The following FARP2 variants were observed in gnomAD, a reference collection of about 807,000 sequenced individuals.
FARP2 encodes FERM, ARHGEF and pleckstrin domain-containing protein 2.
A neutral mutation model predicts 130.5 loss-of-function variants in FARP2; 111 were observed. That is an observed-to-expected ratio of 0.85 (90% CI 0.73 to 1.00). FARP2 has a LOEUF of 1.00. Ranked by LOEUF, FARP2 falls within the 50% of genes least tolerant of loss-of-function variation. The pLI, the probability that FARP2 is intolerant of heterozygous loss-of-function variation, is 0.00. For missense variants in FARP2, 1,385 were observed against 1,346.3 expected (o/e 1.03, Z -0.45); for synonymous variants, 504 against 516.9 (o/e 0.98, Z 0.34).
At chr2:241,474,296 G>A (rs1168780852) in intron 18 of FARP2, among the ~76,000 whole-genome samples, 3 of 117,258 alleles carry the variant, frequency 2.6e-5, no homozygotes, top group Non-Finnish European at 4.8e-5. Context: ...GGGCGACAGA[G>A]CGCAGAGCGA....
rs111653250 is a variant in FARP2, at chr2:241,399,138, T to C, written c.184-4690T>C. On this transcript the variant is annotated intron_variant, in intron 2 of 26. Transcript: ENST00000264042. ...TATTGTGGTTTTAGTGTGCATTTCC[T>C]TGATGTAATATTGTCCAACTTTTCT... Among the ~76,000 whole-genome samples, 9 of 152,370 alleles carry C rather than the reference T, an allele frequency of 5.9e-5. 1 individual carries two copies. Among genetic ancestry groups the C allele is most frequent in the African/African-American group, 2.2e-4 (9 of 41,578 alleles).
At chr2:241,465,790 C>G in intron 17 of FARP2, 1 of 1,550,158 alleles carries the variant, frequency 6.5e-7, no homozygotes, top group Non-Finnish European at 8.7e-7. Context: ...CCTCGCCTGT[C>G]CCACCTTCTA....
At chr2:241,453,367 A>T (rs1417100490) in intron 13 of FARP2, among the ~76,000 whole-genome samples, 1 of 151,570 alleles carries the variant, frequency 6.6e-6, no homozygotes, top group East Asian at 1.9e-4. Context: ...TCATGCCTGT[A>T]ATCCCAGCAC....
intron 13 of FARP2, among the ~76,000 whole-genome samples, chr2:241,449,155 C>T (rs2063584268): frequency 6.6e-6 from 1 of 152,202 alleles, no homozygotes. Context: ...TTTTCCTTTT[C>T]TTCTGGAATT....
At chr2:241,390,854 C>G (rs1559724513) in intron 2 of FARP2, among the ~76,000 whole-genome samples, 1 of 152,156 alleles carries the variant, frequency 6.6e-6, no homozygotes, top group Non-Finnish European at 1.5e-5. Context: ...GTTTAAATGT[C>G]TAACCATTCT....
chr2:241,418,097 A>G lies in FARP2; in HGVS notation c.759A>G (p.Val253=). ...AACTGGCAGTTTCCCACATGGGTGTACTCGTGTTCCAGGTAGGCCAGTGGG... is the reference window on the plus strand; with the variant it reads ...AACTGGCAGTTTCCCACATGGGTGTGCTCGTGTTCCAGGTAGGCCAGTGGG... The part of the protein sequence containing the change: ...KIQLAVSHMG[V]LVFQGTTKIN... The change falls in exon 8 of 27, where the codon GTA becomes GTG. Residue 253 remains valine, a synonymous_variant. Coordinates refer to ENST00000264042, the MANE Select transcript of FARP2 (RefSeq NM_014808.4). 1.2e-6 allele frequency: 2 copies of G among 1,614,104 alleles called. No individual in the cohort carries two copies. The highest frequency in any genetic ancestry group is 2.2e-5 in the South Asian group (2 of 91,084).
At chr2:241,391,711 TCTG>T (rs981974221) in intron 2 of FARP2, among the ~76,000 whole-genome samples, 3 of 152,230 alleles carry the variant, frequency 2.0e-5, no homozygotes, top group African/African-American at 7.2e-5. Context: ...GTGCAGAGCT[TCTG>T]CTACCACTAC....
intron 6 of FARP2, 141 bp from the exon 7 acceptor site, chr2:241,413,166 T>A: frequency 1.8e-6 from 1 of 569,916 alleles, no homozygotes; most frequent in East Asian, 2.9e-5. Flanking sequence ...AAAAATTAAA[T>A]AAAAAATCTT....
chr2:241,483,752 C>A (rs2064684756), intron 20 of FARP2: 3 of 972,074 alleles, frequency 3.1e-6, no homozygotes, highest in Non-Finnish European at 3.7e-6. Flanking sequence ...CCAGGGCCAG[C>A]CTCCTTCTTC....
At chr2:241,411,212 A>G (rs1559744612) in intron 6 of FARP2, 82 bp downstream of exon 6, 4 of 953,816 alleles carry the variant, frequency 4.2e-6, no homozygotes, top group Non-Finnish European at 6.6e-6. Flanking sequence ...TTAGTTGCTG[A>G]TGTATTTGCC....
chr2:241,364,340 G>A (rs1260312469), intron 1 of FARP2, among the ~76,000 whole-genome samples: 1 of 152,230 alleles, frequency 6.6e-6, no homozygotes, highest in Non-Finnish European at 1.5e-5. Context: ...GAATGAGCCT[G>A]TAAGTGTATT....
chr2:241,381,508 G>A (rs1314390850), intron 2 of FARP2, among the ~76,000 whole-genome samples: 1 of 152,032 alleles, frequency 6.6e-6, no homozygotes, highest in Admixed American at 6.6e-5. Context: ...GTTCATCCTT[G>A]AACACAACAG....
chr2:241,448,680 T>C (rs1358806506), intron 13 of FARP2, among the ~76,000 whole-genome samples: 1 of 152,246 alleles, frequency 6.6e-6, no homozygotes, highest in Non-Finnish European at 1.5e-5. Context: ...TTAGAACACC[T>C]GTTTTTCTTA....
chr2:241,438,031 A>T (rs1027140506), intron 12 of FARP2, among the ~76,000 whole-genome samples: 3 of 151,546 alleles, frequency 2.0e-5, no homozygotes, highest in African/African-American at 7.3e-5. Flanking sequence ...CTGGTCTCGA[A>T]CTCCTGGCCT....
chr2:241,493,175 A>G (rs555412806), intron 25 of FARP2, 118 bp from the exon 26 acceptor site: 1 of 1,284,346 alleles, frequency 7.8e-7, no homozygotes, highest in African/African-American at 1.5e-5. Context: ...GAACAGGGAA[A>G]CTGGCTCCCT....
At chr2:241,464,208 A>G (rs543823483) in intron 17 of FARP2, among the ~76,000 whole-genome samples, 2 of 150,666 alleles carry the variant, frequency 1.3e-5, no homozygotes, top group African/African-American at 4.9e-5. Context: ...CCCTCAGAAT[A>G]GGATCCCCCC....
chr2:241,416,294 T>C (rs2062669998), intron 7 of FARP2, among the ~76,000 whole-genome samples: 2 of 152,050 alleles, frequency 1.3e-5, no homozygotes, highest in Admixed American at 1.3e-4. Flanking sequence ...GGGTGAGCCA[T>C]GTGGTCTGCT....
At chr2:241,434,522 A>C (rs2063169882) in intron 10 of FARP2, among the ~76,000 whole-genome samples, 1 of 152,200 alleles carries the variant, frequency 6.6e-6, no homozygotes, top group Admixed American at 6.5e-5. Context: ...CTTTGCTTAC[A>C]AATTCAGTTA....
chr2:241,361,438 C>CCTTA (rs2150278785), intron 1 of FARP2, among the ~76,000 whole-genome samples: 1 of 152,250 alleles, frequency 6.6e-6, no homozygotes, highest in Admixed American at 6.5e-5. Flanking sequence ...CTTAATGTAC[C>CCTTA]CTTACGTGGA....
Sources: gnomAD v4.1 joint callset for allele counts (sites outside exome capture counted in the v4.1 genomes callset) on GRCh38, gnomAD v4.1.1 for gene constraint, MANE v1.5 for transcripts, NCBI Gene and HGNC (gene_info 2026-07-23, HGNC 2026-07-21) for gene names.